The following UGT2B15 variants were observed in gnomAD, a reference collection of about 807,000 sequenced individuals.
UGT2B15 encodes the protein UDP-glucuronosyltransferase 2B15.
In UGT2B15, 36 loss-of-function variants were observed where a neutral mutation model predicts 45.9. The observed-to-expected ratio is 0.78, with a 90% CI of 0.60 to 1.04. The LOEUF (loss-of-function observed/expected upper bound fraction) is 1.04. Among genes scored for constraint, UGT2B15 ranks in the 50% least tolerant of loss-of-function variants. UGT2B15 has a pLI of 0.00. For missense variants in UGT2B15, 617 were observed against 622.4 expected, an observed-to-expected ratio of 0.99 and a Z score of 0.09; for synonymous variants, 219 against 216.4, an observed-to-expected ratio of 1.01 and a Z score of -0.11.
rs768190211 is a variant in UGT2B15 at position 68,647,369 on chromosome 4, A to G, written c.1328T>C (p.Val443Ala). The change falls in exon 6 of 6, where the codon GTC (valine) becomes GCC (alanine). Residue 443 changes from valine to alanine, a missense_variant. Coordinates refer to ENST00000338206, the MANE Select transcript of UGT2B15 (RefSeq NM_001076.4). ...VINDPVYKEN[V>A]MKLSRIHHDQ... ...ATGATGAATTCTTGATAATTTCATGACATTCTCTTTATAGCTGAAGGATAA... is the reference window on the plus strand; with the variant it reads ...ATGATGAATTCTTGATAATTTCATGGCATTCTCTTTATAGCTGAAGGATAA... 3.7e-6 allele frequency: 6 copies of G among 1,613,232 alleles called. No homozygotes were observed. Among genetic ancestry groups the G allele is most frequent in the Non-Finnish European group, 5.1e-6 (6 of 1,179,434 alleles).
In UGT2B15 at chr4:68,654,634, C is replaced by T. The variant is rs566599139; in HGVS notation, c.1094-378G>A. Among the ~76,000 whole-genome samples the T allele has an allele frequency of 7.9e-5, 12 of 151,628 alleles. 2 individuals are homozygous for T. Among genetic ancestry groups the T allele is most frequent in the East Asian group, 5.8e-4 (3 of 5,154 alleles). On this transcript the variant is annotated intron_variant, in intron 4 of 5. Coordinates refer to ENST00000338206, the MANE Select transcript of UGT2B15 (RefSeq NM_001076.4). ...GGTGGAGGTGGGGCTGAGGAAGGAC[C>T]GGTTATGCATCATCATGAAATGTGT...
At chr4:68,650,636 G>T (rs1271847075) in intron 5 of UGT2B15, among the ~76,000 whole-genome samples, 1 of 152,088 alleles carries the variant, frequency 6.6e-6, no homozygotes, top group South Asian at 2.1e-4. Flanking sequence ...ATAGTAGAAT[G>T]ATTTATATGC....
intron 5 of UGT2B15, among the ~76,000 whole-genome samples, chr4:68,651,063 AG>A (rs1381344503): frequency 9.8e-5 from 14 of 143,570 alleles, no homozygotes; most frequent in South Asian, 2.2e-4. Flanking sequence ...CCTTTGTCAG[AG>A]GGATAGATTG....
intron 3 of UGT2B15, among the ~76,000 whole-genome samples, chr4:68,657,414 A>C (rs927459040): frequency 1.3e-5 from 2 of 152,164 alleles, no homozygotes; most frequent in African/African-American, 4.8e-5. Flanking sequence ...AAGAGGGTGG[A>C]AACAACTCAG....
rs769401579 is a variant in UGT2B15 at position 68,647,229 on chromosome 4, G to C, written c.1468C>G (p.His490Asp). ...AGGAATGCTATCACATCCAAAGAGTGGTACTGGATCCAGGTGAGGTTGTGA... is the reference window on the plus strand; with the variant it reads ...AGGAATGCTATCACATCCAAAGAGTCGTACTGGATCCAGGTGAGGTTGTGA... ...AAHNLTWIQY[H>D]SLDVIAFLLA... is the part of the protein sequence containing the mutation. The change falls in exon 6 of 6, where the codon CAC becomes GAC. Residue 490 changes from histidine to aspartate, a missense_variant. Physicochemically the swap from His to Asp is moderately conservative, Grantham distance 81. Transcript: ENST00000338206. 1 of 1,613,972 alleles carries C rather than the reference G, an allele frequency of 6.2e-7. No homozygotes were observed. Among genetic ancestry groups the C allele is most frequent in the Non-Finnish European group, 8.5e-7 (1 of 1,179,938 alleles).
intron 3 of UGT2B15, among the ~76,000 whole-genome samples, chr4:68,658,345 T>C (rs1030523557): frequency 1.3e-5 from 2 of 152,122 alleles, no homozygotes; most frequent in Admixed American, 6.6e-5. Context: ...TTCAAGTTTA[T>C]GTAACTTCAA....
chr4:68,661,029 A>G (rs1182313735), intron 3 of UGT2B15, among the ~76,000 whole-genome samples: 3 of 152,026 alleles, frequency 2.0e-5, no homozygotes, highest in African/African-American at 4.8e-5. Flanking sequence ...TTCACAACCT[A>G]CTAAAAATGA....
intron 1 of UGT2B15, 134 bp from the exon 2 acceptor site, chr4:68,668,322 A>G (rs1733203500): frequency 7.9e-7 from 1 of 1,265,074 alleles, no homozygotes; most frequent in Non-Finnish European, 1.1e-6. Context: ...TTGATAAAAT[A>G]TATATAAATA....
At chr4:68,666,703 C>T (rs1733130039) in intron 2 of UGT2B15, among the ~76,000 whole-genome samples, 1 of 149,702 alleles carries the variant, frequency 6.7e-6, no homozygotes, top group Non-Finnish European at 1.5e-5. Context: ...TTCAGTAGCT[C>T]TCCATTGTCC....
At chr4:68,658,301 C>A (rs2109827509) in intron 3 of UGT2B15, among the ~76,000 whole-genome samples, 1 of 132,774 alleles carries the variant, frequency 7.5e-6, no homozygotes. Flanking sequence ...GAATTAAATA[C>A]TTTGCCAGAA....
chr4:68,660,974 TTTTCTCCC>T (rs751880384), intron 3 of UGT2B15, among the ~76,000 whole-genome samples: 19 of 151,978 alleles, frequency 1.3e-4, no homozygotes, highest in Non-Finnish European at 2.5e-4. Context: ...TTGGTTTTGT[TTTTCTCCC>T]TTTCTCCCTT....
chr4:68,658,256 C>T (rs1732868410), intron 3 of UGT2B15, among the ~76,000 whole-genome samples: 1 of 151,736 alleles, frequency 6.6e-6, no homozygotes, highest in Admixed American at 6.6e-5. Flanking sequence ...TATAAAAGAG[C>T]TCTAATTAAT....
chr4:68,657,447 G>A (rs936173315), intron 3 of UGT2B15, among the ~76,000 whole-genome samples: 30 of 152,220 alleles, frequency 2.0e-4, no homozygotes, highest in Admixed American at 1.7e-3. Context: ...GTGGAGTACT[G>A]CCCACAAGCA....
At chr4:68,666,647 A>T (rs1733128563) in intron 2 of UGT2B15, among the ~76,000 whole-genome samples, 1 of 151,640 alleles carries the variant, frequency 6.6e-6, no homozygotes, top group Admixed American at 6.6e-5. Context: ...ATTTTTTAAA[A>T]GGAAATCTGA....
intron 5 of UGT2B15, among the ~76,000 whole-genome samples, chr4:68,650,194 T>A (rs1416866548): frequency 6.6e-6 from 1 of 152,046 alleles, no homozygotes; most frequent in Non-Finnish European, 1.5e-5. Context: ...ATGTGCAGAA[T>A]GTGCAGGTTT....
In UGT2B15 at chr4:68,654,682, T is replaced by C. The variant is rs555242651; in HGVS notation, c.1093+413A>G. ...TGTTATCATTTTATCATGATAAAGA[T>C]TGGTTATTTATTCCCATAAAAAGTA... is the stretch of plus-strand genomic sequence containing the variant. On this transcript the variant is annotated intron_variant, in intron 4 of 5. Transcript: ENST00000338206. Among the ~76,000 whole-genome samples, 9 of 152,162 alleles carry C rather than the reference T, an allele frequency of 5.9e-5. No individual in the cohort carries two copies. In the South Asian group the frequency reaches 1.7e-3, roughly 28 times the overall value.
intron 3 of UGT2B15, among the ~76,000 whole-genome samples, chr4:68,662,398 T>C (rs5017544): frequency 6.6e-6 from 1 of 151,550 alleles, no homozygotes; most frequent in African/African-American, 2.4e-5. Context: ...AGTTTTTTTT[T>C]TTTTTCTCTA....
chr4:68,653,574 C>G (rs1406611458), intron 5 of UGT2B15, among the ~76,000 whole-genome samples: 1 of 151,772 alleles, frequency 6.6e-6, no homozygotes, highest in Non-Finnish European at 1.5e-5. Flanking sequence ...TGTAAACATA[C>G]TAAATATATT....
intron 5 of UGT2B15, among the ~76,000 whole-genome samples, 162 bp downstream of exon 5, chr4:68,653,875 C>G (rs1255877697): frequency 6.6e-6 from 1 of 151,984 alleles, no homozygotes; most frequent in Non-Finnish European, 1.5e-5. Flanking sequence ...TGAAATGTAA[C>G]TTTGAAATAA....
Sources: allele counts gnomAD v4.1 joint callset (sites outside exome capture counted in the v4.1 genomes callset), GRCh38; gene constraint gnomAD v4.1.1; transcripts MANE v1.5; gene names NCBI Gene and HGNC (gene_info 2026-07-23, HGNC 2026-07-21).